The following SH3BGRL variants were observed in gnomAD, a reference collection of about 807,000 sequenced individuals.
SH3BGRL encodes SH3 domain binding glutamate rich protein like, also known as adapter SH3BGRL.
Under a neutral mutation model 9.8 loss-of-function variants are expected in SH3BGRL, and 7 were observed. The observed-to-expected ratio is 0.72, with a 90% CI of 0.41 to 1.35. The LOEUF (loss-of-function observed/expected upper bound fraction) is 1.35. Among genes scored for constraint, SH3BGRL ranks in the 40% most tolerant of loss-of-function variants. The pLI, the probability that SH3BGRL is intolerant of heterozygous loss-of-function variation, is 0.01. For synonymous variants in SH3BGRL, 36 were observed against 29.1 expected, an observed-to-expected ratio of 1.24 and a Z score of -0.76; for missense variants, 73 against 84.4, an observed-to-expected ratio of 0.86 and a Z score of 0.53.
intron 1 of SH3BGRL, among the ~76,000 whole-genome samples, chrX:81,236,900 GGAGAGAGA>G (rs3051997): frequency 3.1e-5 from 3 of 97,385 alleles, no homozygotes; most frequent in African/African-American, 1.1e-4. Context: ...AGAGGCTGAG[GGAGAGAGA>G]GAGAGAGAGA....
rs745966749 is a variant in SH3BGRL, at chrX:81,221,609, C to T, written c.45+19364C>T. Among the ~76,000 whole-genome samples, 378 of 111,785 alleles carry T rather than the reference C, an allele frequency of 3.4e-3. 2 individuals are homozygous for T. Among genetic ancestry groups the T allele is most frequent in the South Asian group, 9.0e-3 (24 of 2,681 alleles). On this transcript the variant is annotated intron_variant, in intron 1 of 3. Coordinates refer to ENST00000373212, the MANE Select transcript of SH3BGRL (RefSeq NM_003022.3). ...ATTTGAACTCTGGCAAAATGGGTGT[C>T]TTACTCCCAGGAGTTAATAAGCATA...
intron 1 of SH3BGRL, among the ~76,000 whole-genome samples, chrX:81,212,884 C>T (rs1272107164): frequency 8.9e-6 from 1 of 112,311 alleles, no homozygotes; most frequent in Non-Finnish European, 1.9e-5. Flanking sequence ...ATTATGTCTA[C>T]ATGTCCAAGT....
At chrX:81,218,026 T>A (rs1391939351) in intron 1 of SH3BGRL, among the ~76,000 whole-genome samples, 2 of 111,202 alleles carry the variant, frequency 1.8e-5, no homozygotes, top group East Asian at 5.6e-4. Flanking sequence ...TTTTTTCACT[T>A]TTGTTGCTTT....
chrX:81,222,903 T>A (rs1214301275), intron 1 of SH3BGRL, among the ~76,000 whole-genome samples: 6 of 112,427 alleles, frequency 5.3e-5, no homozygotes, highest in Non-Finnish European at 3.8e-5. Context: ...TGGTTTTGAT[T>A]TGCATTTCTC....
At chrX:81,286,591 A>T (rs1368710474) in intron 3 of SH3BGRL, among the ~76,000 whole-genome samples, 2 of 108,842 alleles carry the variant, frequency 1.8e-5, no homozygotes, top group Non-Finnish European at 3.8e-5. Context: ...TAGGCACCTC[A>T]GGTACATCTC....
At chrX:81,213,905 GGA>G (rs763590367) in intron 1 of SH3BGRL, among the ~76,000 whole-genome samples, 75 of 111,966 alleles carry the variant, frequency 6.7e-4, no homozygotes, top group Non-Finnish European at 1.2e-3. Context: ...GATGGTGGAC[GGA>G]GAGTAGATAT....
chrX:81,294,484 T>C (rs2075867919), intron 3 of SH3BGRL, among the ~76,000 whole-genome samples: 1 of 109,940 alleles, frequency 9.1e-6, no homozygotes. Flanking sequence ...TGCACAGAAG[T>C]CAAAAATTGA....
intron 1 of SH3BGRL, among the ~76,000 whole-genome samples, chrX:81,217,881 G>T (rs1188480337): frequency 9.1e-6 from 1 of 110,385 alleles, no homozygotes; most frequent in East Asian, 2.8e-4. Context: ...GTTTTGCTGT[G>T]TGTCTCATTT....
rs1046396185 is a variant in SH3BGRL at position 81,232,379 on chromosome X, T to G, written c.45+30134T>G. On this transcript the variant is annotated intron_variant, in intron 1 of 3. Transcript: ENST00000373212. ...ATACAGTAACGGTTCAATAAATAAATAAATAGTAGTGAATTAGTGATGATG... is the reference window on the plus strand; with the variant it reads ...ATACAGTAACGGTTCAATAAATAAAGAAATAGTAGTGAATTAGTGATGATG... 3.7e-5 allele frequency among the ~76,000 whole-genome samples: 4 copies of G among 107,999 alleles called. No homozygotes were observed. In the South Asian group the frequency reaches 1.6e-3, roughly 43 times the overall value. The allele number at this position is 107,999 out of a possible 115,157, so 93.8% of individuals were successfully genotyped here.
intron 1 of SH3BGRL, among the ~76,000 whole-genome samples, chrX:81,272,970 G>A (rs1336332550): frequency 9.0e-6 from 1 of 111,700 alleles, no homozygotes; most frequent in Non-Finnish European, 1.9e-5. Flanking sequence ...TACACACCAT[G>A]ATTTATTTAT....
intron 1 of SH3BGRL, among the ~76,000 whole-genome samples, chrX:81,264,426 A>C (rs1428428654): frequency 9.0e-6 from 1 of 111,606 alleles, no homozygotes; most frequent in African/African-American, 3.3e-5. Context: ...TAGCCACCCC[A>C]AAAAGGGTTT....
intron 1 of SH3BGRL, among the ~76,000 whole-genome samples, chrX:81,267,113 C>A (rs12564133): frequency 8.9e-6 from 1 of 111,842 alleles, no homozygotes; most frequent in South Asian, 3.7e-4. Flanking sequence ...TGGGCTGAGA[C>A]GATGGGGTTT....
chrX:81,253,906 A>T (rs192044096), intron 1 of SH3BGRL, among the ~76,000 whole-genome samples: 53 of 111,720 alleles, frequency 4.7e-4, no homozygotes, highest in African/African-American at 1.7e-3. Context: ...AAGGATTCAG[A>T]TTATGTATCC....
intron 1 of SH3BGRL, among the ~76,000 whole-genome samples, chrX:81,265,009 A>ATTTTTT (rs772578478): frequency 1.1e-5 from 1 of 91,956 alleles, no homozygotes; most frequent in African/African-American, 3.9e-5. Context: ...GAATGACTGT[A>ATTTTTT]TTTTTTTTTT....
Position 81,229,180 on chromosome X carries a change from T to C in SH3BGRL, c.45+26935T>C, listed in dbSNP as rs1214325169. ...AGTTCCGTATACTCCTTACAGGATG[T>C]GCCATGGGGGTGTGGCTCACTTTTT... On this transcript the variant is annotated intron_variant, in intron 1 of 3. Coordinates refer to ENST00000373212, the MANE Select transcript of SH3BGRL (RefSeq NM_003022.3). Among the ~76,000 whole-genome samples the C allele has an allele frequency of 3.6e-5, 4 of 110,002 alleles. No individual in the cohort carries two copies. In the East Asian group the frequency reaches 8.7e-4, roughly 24 times the overall value.
At chrX:81,279,654 G>A (rs1443214754) in intron 3 of SH3BGRL, among the ~76,000 whole-genome samples, 1 of 111,377 alleles carries the variant, frequency 9.0e-6, no homozygotes, top group Non-Finnish European at 1.9e-5. Flanking sequence ...AAATACAGGG[G>A]TAAAGGAAGC....
At chrX:81,262,876 G>A (rs965191231) in intron 1 of SH3BGRL, among the ~76,000 whole-genome samples, 3 of 112,125 alleles carry the variant, frequency 2.7e-5, no homozygotes, top group Non-Finnish European at 5.6e-5. Context: ...ATCAGTTTTA[G>A]TATCTACTTT....
intron 1 of SH3BGRL, among the ~76,000 whole-genome samples, chrX:81,264,859 G>A (rs1302876593): frequency 3.6e-5 from 4 of 110,350 alleles, no homozygotes; most frequent in Non-Finnish European, 7.6e-5. Context: ...GAAGAAATGG[G>A]AAAATGACTA....
chrX:81,224,465 A>ATT (rs201298051), intron 1 of SH3BGRL, among the ~76,000 whole-genome samples: 14 of 109,598 alleles, frequency 1.3e-4, no homozygotes, highest in African/African-American at 3.6e-4. Context: ...GAAAGAAAGG[A>ATT]TTTTTTTTTC....
Sources: allele counts gnomAD v4.1 joint callset (sites outside exome capture counted in the v4.1 genomes callset), GRCh38; gene constraint gnomAD v4.1.1; transcripts MANE v1.5; gene names NCBI Gene and HGNC (gene_info 2026-07-23, HGNC 2026-07-21).